PLCB1: variants seen among roughly 807,000 people sequenced by gnomAD.
PLCB1 encodes 1-phosphatidylinositol 4,5-bisphosphate phosphodiesterase beta-1.
PLCB1 carries 46 observed loss-of-function variants against 161.8 expected under a neutral mutation model. The observed-to-expected ratio is 0.28, with a 90% CI of 0.22 to 0.36. PLCB1 has a LOEUF of 0.36. Ranked by LOEUF, PLCB1 falls within the 10% of genes least tolerant of loss-of-function variation. PLCB1 has a pLI of 1.00. For synonymous variants in PLCB1, 517 were observed against 503.7 expected, an observed-to-expected ratio of 1.03 and a Z score of -0.35; for missense variants, 1,016 against 1,472.5, an observed-to-expected ratio of 0.69 and a Z score of 5.07.
chr20:8,340,040 G>A (rs1373694766), intron 2 of PLCB1, among the ~76,000 whole-genome samples: 1 of 152,182 alleles, frequency 6.6e-6, no homozygotes, highest in Non-Finnish European at 1.5e-5. Context: ...CATAGCATGT[G>A]CTCAGTAAAC....
At chr20:8,476,990 AAACT>A (rs1294125174) in intron 3 of PLCB1, among the ~76,000 whole-genome samples, 1 of 152,116 alleles carries the variant, frequency 6.6e-6, no homozygotes, top group African/African-American at 2.4e-5. Flanking sequence ...TTTTTTCAGG[AAACT>A]GATGGTCCAT....
chr20:8,823,420 G>T (rs756299318), intron 31 of PLCB1, among the ~76,000 whole-genome samples: 4 of 152,142 alleles, frequency 2.6e-5, no homozygotes, highest in African/African-American at 9.7e-5. Flanking sequence ...ATCATGCCCC[G>T]CCAGAGCCAC....
In PLCB1 at chr20:8,645,274, C is replaced by G. The variant is rs544403822; in HGVS notation, c.385-828C>G. ...TTGTCCTATGACCCTGCCAAATCCC[C>G]CTCTGTGAGAAACACCCAAGAATGA... On this transcript the variant is annotated intron_variant, in intron 4 of 31. Transcript: ENST00000338037. 1.2e-3 allele frequency among the ~76,000 whole-genome samples: 179 copies of G among 151,504 alleles called. 1 individual carries two copies. Among genetic ancestry groups the G allele is most frequent in the African/African-American group, 4.0e-3 (164 of 41,254 alleles).
At chr20:8,744,511 G>A (rs1014962191) in intron 23 of PLCB1, among the ~76,000 whole-genome samples, 6 of 151,842 alleles carry the variant, frequency 4.0e-5, no homozygotes, top group Non-Finnish European at 8.8e-5. Context: ...GGGAGCCTGA[G>A]GCAGGGGAAT....
intron 9 of PLCB1, among the ~76,000 whole-genome samples, chr20:8,682,101 A>T (rs145875862): frequency 7.9e-5 from 12 of 152,260 alleles, no homozygotes; most frequent in African/African-American, 2.6e-4. Context: ...CATTTATCGT[A>T]TGGTAGATGT....
In PLCB1 at chr20:8,312,996, A is replaced by G. The variant is rs1454788287; in HGVS notation, c.178-58386A>G. Among the ~76,000 whole-genome samples, 5 of 152,194 alleles carry G rather than the reference A, an allele frequency of 3.3e-5. No individual in the cohort carries two copies. In the South Asian group the frequency reaches 8.3e-4, roughly 25 times the overall value. ...ACTTATGTTGAAAATGATGTCATGT[A>G]TATTTGTATTTAATAAAATGTGAAA... On this transcript the variant is annotated intron_variant, in intron 2 of 31. Transcript: ENST00000338037.
rs528813133 is a variant in PLCB1, at chr20:8,806,145, C to A, written c.3423+15884C>A. On this transcript the variant is annotated intron_variant, in intron 31 of 31. Coordinates refer to ENST00000338037, the MANE Select transcript of PLCB1 (RefSeq NM_015192.4). ...TAGCAAACTTCTGGGAGAAGAACAT[C>A]TCTGAGGACTAGATTTTAGAAAACC... is the stretch of plus-strand genomic sequence containing the variant. Among the ~76,000 whole-genome samples the A allele has an allele frequency of 2.0e-5, 3 of 152,244 alleles. No homozygotes were observed. The East Asian group carries it at 5.8e-4, about 29-fold the overall frequency.
Position 8,724,640 on chromosome 20 carries a change from T to C in PLCB1, c.1582-16T>C, listed in dbSNP as rs2123482619. 1.4e-6 allele frequency: 2 copies of C among 1,432,802 alleles called. No homozygotes were observed. The highest frequency in any genetic ancestry group is 2.0e-6 in the Non-Finnish European group (2 of 1,020,476). 88.8% of individuals were successfully genotyped at this position (1,432,802 alleles called of 1,614,324 possible). On this transcript the variant is annotated splice_polypyrimidine_tract_variant and intron_variant, in intron 15 of 31. Transcript: ENST00000338037. The stretch of plus-strand genomic sequence containing the variant: ...GCTGACTCTGGAAATGTTTTCTTTT[T>C]TATTCCTACTTCCAGGGGACTGCTG...
At chr20:8,174,722 T>C (rs1053453099) in intron 2 of PLCB1, among the ~76,000 whole-genome samples, 3 of 152,096 alleles carry the variant, frequency 2.0e-5, no homozygotes, top group Non-Finnish European at 4.4e-5. Flanking sequence ...GTGTAAAATA[T>C]TGATACCCAT....
chr20:8,213,840 A>C (rs981893463), intron 2 of PLCB1, among the ~76,000 whole-genome samples: 1 of 152,012 alleles, frequency 6.6e-6, no homozygotes, highest in African/African-American at 2.4e-5. Context: ...GCATGTAAGC[A>C]GATTGTTCAT....
chr20:8,829,698 T>C (rs1239829663), intron 31 of PLCB1, among the ~76,000 whole-genome samples: 1 of 152,236 alleles, frequency 6.6e-6, no homozygotes, highest in Non-Finnish European at 1.5e-5. Context: ...GTGTCTTGTT[T>C]ATTTAATTCA....
intron 31 of PLCB1, among the ~76,000 whole-genome samples, chr20:8,822,803 C>G (rs1052909195): frequency 6.6e-6 from 1 of 152,098 alleles, no homozygotes; most frequent in Non-Finnish European, 1.5e-5. Context: ...TGATCTGTTG[C>G]AATAAAATTA....
intron 9 of PLCB1, among the ~76,000 whole-genome samples, chr20:8,668,759 G>C (rs1989875676): frequency 6.6e-6 from 1 of 152,186 alleles, no homozygotes; most frequent in African/African-American, 2.4e-5. Flanking sequence ...CAGAGATGCA[G>C]ATACAAGTCC....
intron 2 of PLCB1, chr20:8,306,483 C>T (rs557099490): frequency 1.2e-4 from 18 of 152,284 alleles, no homozygotes; most frequent in Non-Finnish European, 2.4e-4. Flanking sequence ...ACTCCTAGAT[C>T]GGCTTCTCAC....
chr20:8,415,420 G>T (rs1367607746), intron 3 of PLCB1, among the ~76,000 whole-genome samples: 1 of 152,172 alleles, frequency 6.6e-6, no homozygotes, highest in African/African-American at 2.4e-5. Flanking sequence ...TATTGCATTT[G>T]GCCCCTTTCC....
intron 31 of PLCB1, among the ~76,000 whole-genome samples, chr20:8,823,044 AG>A (rs1204032512): frequency 8.5e-5 from 13 of 152,216 alleles, no homozygotes. Flanking sequence ...ACATTGAGTT[AG>A]GTATTATAAC....
At chr20:8,514,445 CAAAA>C (rs752609524) in intron 3 of PLCB1, among the ~76,000 whole-genome samples, 3 of 78,520 alleles carry the variant, frequency 3.8e-5, no homozygotes, top group Admixed American at 1.5e-4. Flanking sequence ...ACTCCATCTC[CAAAA>C]AAAAAAAAAA....
intron 2 of PLCB1, among the ~76,000 whole-genome samples, chr20:8,347,258 A>G (rs1210562528): frequency 6.6e-6 from 1 of 152,258 alleles, no homozygotes; most frequent in East Asian, 1.9e-4. Flanking sequence ...AGCACTTTGT[A>G]TAATTAAAGT....
intron 3 of PLCB1, among the ~76,000 whole-genome samples, chr20:8,460,614 G>T (rs1232014186): frequency 6.6e-6 from 1 of 152,148 alleles, no homozygotes; most frequent in Non-Finnish European, 1.5e-5. Flanking sequence ...CTTTATTACT[G>T]ATTTCTTAGT....
Sources: allele counts gnomAD v4.1 joint callset (sites outside exome capture counted in the v4.1 genomes callset), GRCh38; gene constraint gnomAD v4.1.1; transcripts MANE v1.5; gene names NCBI Gene and HGNC (gene_info 2026-07-23, HGNC 2026-07-21).